The following TPX2 variants were observed in gnomAD, a reference collection of about 807,000 sequenced individuals.
TPX2 encodes the protein TPX2 microtubule nucleation factor.
A neutral mutation model predicts 93.6 loss-of-function variants in TPX2; 21 were observed. That is an observed-to-expected ratio of 0.22 (90% CI 0.16 to 0.32). TPX2 has a LOEUF of 0.32. Among genes scored for constraint, TPX2 ranks in the 10% least tolerant of loss-of-function variants. TPX2 has a pLI of 1.00. For synonymous variants in TPX2, 281 were observed against 298.3 expected (o/e 0.94, Z 0.60); for missense variants, 776 against 871.1 (o/e 0.89, Z 1.37).
chr20:31,762,929 T>C (rs1026201873), intron 4 of TPX2, among the ~76,000 whole-genome samples: 1 of 152,200 alleles, frequency 6.6e-6, no homozygotes, highest in African/African-American at 2.4e-5. Flanking sequence ...TTGAAAAGAC[T>C]GTCCCTCCAC....
At chr20:31,750,016 G>C (rs1239722021) in intron 2 of TPX2, among the ~76,000 whole-genome samples, 1 of 151,278 alleles carries the variant, frequency 6.6e-6, no homozygotes. Context: ...TGGCTCACTG[G>C]AACCTCCTCC....
At chr20:31,745,328 C>CTT (rs11458149) in intron 2 of TPX2, among the ~76,000 whole-genome samples, 61 of 123,242 alleles carry the variant, frequency 4.9e-4, no homozygotes, top group Admixed American at 1.3e-3. Flanking sequence ...TAGGTAAACA[C>CTT]TTTTTTTTTT....
rs1251443172 is a variant in TPX2 at position 31,801,176 on chromosome 20, C to G, written c.*96C>G. 2 of 1,082,498 alleles carry G rather than the reference C, an allele frequency of 1.8e-6. No individual in the cohort carries two copies. The highest frequency in any genetic ancestry group is 2.8e-6 in the Non-Finnish European group (2 of 717,736). The allele number at this position is 1,082,498 out of a possible 1,614,324, so 67.1% of individuals were successfully genotyped here. ...GCTTTGTCATTGGGCATGGAGAGAACCCATTTCTCCAGACTTTTACCTACC... is the reference window on the plus strand; with the variant it reads ...GCTTTGTCATTGGGCATGGAGAGAAGCCATTTCTCCAGACTTTTACCTACC... On this transcript the variant is annotated 3_prime_UTR_variant, in exon 18 of 18. Coordinates refer to ENST00000300403, the MANE Select transcript of TPX2 (RefSeq NM_012112.5).
intron 16 of TPX2, 143 bp downstream of exon 16, chr20:31,797,658 C>A: frequency 1.4e-6 from 1 of 719,256 alleles, no homozygotes. Flanking sequence ...TCCCCTAGAC[C>A]CAGTTTTTTG....
intron 2 of TPX2, among the ~76,000 whole-genome samples, chr20:31,754,900 A>T (rs371761996): frequency 6.6e-6 from 1 of 152,122 alleles, no homozygotes; most frequent in Non-Finnish European, 1.5e-5. Flanking sequence ...AATAGTTTGT[A>T]TATATATGAG....
intron 15 of TPX2, among the ~76,000 whole-genome samples, chr20:31,797,083 C>A (rs2062143255): frequency 6.7e-6 from 1 of 149,128 alleles, no homozygotes; most frequent in Admixed American, 6.7e-5. Flanking sequence ...GCACATGTAC[C>A]CTAAAACTTA....
At chr20:31,795,072 C>T (rs766192186) in intron 15 of TPX2, among the ~76,000 whole-genome samples, 8 of 152,110 alleles carry the variant, frequency 5.3e-5, no homozygotes, top group African/African-American at 1.9e-4. Flanking sequence ...CTGTCCGCCT[C>T]GGCTTCCCGA....
rs547420016 is a variant in TPX2 at position 31,757,440 on chromosome 20, T to C, written c.-37T>C. 72 of 1,552,792 alleles carry C rather than the reference T, an allele frequency of 4.6e-5. No individual in the cohort carries two copies. The highest frequency in any genetic ancestry group is 1.1e-4 in the East Asian group (5 of 44,416). ...CTGCTGAGAAAAGTGGTACAAATAC[T>C]GGGAAAAACCTGCTCTTCTGCGTTA... On this transcript the variant is annotated 5_prime_UTR_variant, in exon 3 of 18. Coordinates refer to ENST00000300403, the MANE Select transcript of TPX2 (RefSeq NM_012112.5).
intron 17 of TPX2, 146 bp downstream of exon 17, chr20:31,798,698 G>A: frequency 2.0e-6 from 2 of 1,018,024 alleles, no homozygotes; most frequent in East Asian, 2.7e-5. Flanking sequence ...ACAAACTGAG[G>A]GTGGTGATGA....
intron 4 of TPX2, among the ~76,000 whole-genome samples, chr20:31,764,133 C>CAT (rs1295522389): frequency 1.3e-5 from 2 of 150,086 alleles, no homozygotes; most frequent in African/African-American, 2.5e-5. Flanking sequence ...TATATATGTA[C>CAT]ATATACATGT....
chr20:31,793,292 C>T (rs187839694), intron 13 of TPX2, among the ~76,000 whole-genome samples: 2 of 152,320 alleles, frequency 1.3e-5, no homozygotes, highest in East Asian at 3.9e-4. Context: ...AATATATAAA[C>T]TGTCATTGGT....
chr20:31,762,089 G>A (rs930571781), intron 4 of TPX2, among the ~76,000 whole-genome samples: 27 of 151,996 alleles, frequency 1.8e-4, no homozygotes, highest in South Asian at 8.3e-4. Flanking sequence ...TCATTTGTCC[G>A]GCTGTTGAGT....
At position 31,778,944 on chromosome 20, in the gene TPX2, C is replaced by G. The variant is rs1187024198; in HGVS notation, c.1014C>G (p.Thr338=). The G allele has an allele frequency of 6.9e-6, 11 of 1,605,254 alleles. No homozygotes were observed. Among genetic ancestry groups the G allele is most frequent in the Non-Finnish European group, 8.5e-6 (10 of 1,177,804 alleles). ...AQQVEDFHKR[T]PNRYHLRSKK... The stretch of plus-strand genomic sequence containing the variant: ...AAGTTGAAGACTTCCATAAACGAAC[C>G]CCTAACAGATATCATTTGAGGAGCA... Residue 338 remains threonine, a synonymous_variant, in exon 10 of 18, where the codon ACC becomes ACG. Transcript: ENST00000300403.
intron 12 of TPX2, among the ~76,000 whole-genome samples, chr20:31,789,157 G>C (rs575491725): frequency 6.6e-6 from 1 of 152,188 alleles, no homozygotes; most frequent in East Asian, 1.9e-4. Flanking sequence ...ATATTCTGCT[G>C]GGTTTCTTTA....
rs367653213 is a variant in TPX2 at position 31,765,632 on chromosome 20, G to A, written c.230-924G>A. On this transcript the variant is annotated intron_variant, in intron 4 of 17. Coordinates refer to ENST00000300403, the MANE Select transcript of TPX2 (RefSeq NM_012112.5). ...GTGGTTACATTCATAATGCCTGATA[G>A]TATGATTATATCAGCAGTATTTACA... Among the ~76,000 whole-genome samples the A allele has an allele frequency of 2.4e-3, 372 of 152,190 alleles. 2 individuals carry two copies. Among genetic ancestry groups the A allele is most frequent in the African/African-American group, 8.5e-3 (351 of 41,532 alleles).
Position 31,770,324 on chromosome 20 carries a change from G to A in TPX2, c.357-19G>A, listed in dbSNP as rs1213153130. ...AGTATATATATTTATTATATATTTTGTCAATTTCTCTACCATAGAAGATCT... is the reference window on the plus strand; with the variant it reads ...AGTATATATATTTATTATATATTTTATCAATTTCTCTACCATAGAAGATCT... On this transcript the variant is annotated intron_variant, in intron 5 of 17. Coordinates refer to ENST00000300403, the MANE Select transcript of TPX2 (RefSeq NM_012112.5). 4.0e-6 allele frequency: 6 copies of A among 1,504,316 alleles called. No homozygotes were observed. The highest frequency in any genetic ancestry group is 4.7e-5 in the Admixed American group (2 of 42,540). 93.2% of individuals were successfully genotyped at this position (1,504,316 alleles called of 1,614,324 possible). A position where few individuals can be genotyped will look rare whatever the true frequency, so the allele number is the denominator to read the frequency against.
At chr20:31,765,835 C>T (rs902747375) in intron 4 of TPX2, among the ~76,000 whole-genome samples, 20 of 152,294 alleles carry the variant, frequency 1.3e-4, no homozygotes, top group African/African-American at 4.8e-4. Flanking sequence ...TTATCAATTT[C>T]TTAAATTTCT....
intron 10 of TPX2, among the ~76,000 whole-genome samples, chr20:31,780,030 A>C (rs2062023538): frequency 6.6e-6 from 1 of 152,148 alleles, no homozygotes; most frequent in Admixed American, 6.5e-5. Context: ...AGGATCTCTA[A>C]ATTTTTTATA....
chr20:31,746,560 T>A (rs1369313720), intron 2 of TPX2, among the ~76,000 whole-genome samples: 3 of 152,214 alleles, frequency 2.0e-5, no homozygotes, highest in African/African-American at 7.2e-5. Context: ...TGACTTTCTC[T>A]TTAATAGAAA....
Sources: allele counts gnomAD v4.1 joint callset (sites outside exome capture counted in the v4.1 genomes callset), GRCh38; gene constraint gnomAD v4.1.1; transcripts MANE v1.5; gene names NCBI Gene and HGNC (gene_info 2026-07-23, HGNC 2026-07-21).